ANKRD36: variants seen among roughly 807,000 people sequenced by gnomAD.
ANKRD36 encodes ankyrin repeat domain-containing protein 36A.
A neutral mutation model predicts 278.1 loss-of-function variants in ANKRD36; 179 were observed. That is an observed-to-expected ratio of 0.64 (90% confidence interval 0.57 to 0.73). The LOEUF (loss-of-function observed/expected upper bound fraction) is 0.73. ANKRD36 is among the 30% of genes least tolerant of loss of function. ANKRD36 has a pLI of 0.00. For missense variants in ANKRD36, 1,159 were observed against 1,956.7 expected, an observed-to-expected ratio of 0.59 and a Z score of 7.69; for synonymous variants, 320 against 641.1, an observed-to-expected ratio of 0.50 and a Z score of 7.57.
intron 22 of ANKRD36, among the ~76,000 whole-genome samples, chr2:97,176,472 T>G (rs2054289670): frequency 6.9e-6 from 1 of 144,704 alleles, no homozygotes; most frequent in Non-Finnish European, 1.5e-5. Flanking sequence ...GTTTTCCATT[T>G]GCTTGGTAGA....
At chr2:97,224,457 T>TG (rs1307369837) in intron 66 of ANKRD36, among the ~76,000 whole-genome samples, 2 of 151,120 alleles carry the variant, frequency 1.3e-5, no homozygotes, top group Admixed American at 6.6e-5. Flanking sequence ...TTTTTGTTTT[T>TG]TTTTTTTTGA....
At chr2:97,211,488 T>C in intron 56 of ANKRD36, 58 bp from the exon 57 acceptor site, 3 of 1,584,820 alleles carry the variant, frequency 1.9e-6, no homozygotes, top group Non-Finnish European at 2.6e-6. Flanking sequence ...TGTATGAATG[T>C]ATGGATAACT....
At chr2:97,217,057 A>G (rs2066129668) in intron 62 of ANKRD36, 120 bp from the exon 63 acceptor site, 5 of 1,522,646 alleles carry the variant, frequency 3.3e-6, no homozygotes, top group Non-Finnish European at 4.4e-6. Flanking sequence ...AAAGTAGGAA[A>G]CATCAAATCC....
chr2:97,140,227 A>G (rs988678661), intron 6 of ANKRD36, among the ~76,000 whole-genome samples: 6 of 151,730 alleles, frequency 4.0e-5, no homozygotes, highest in Admixed American at 2.0e-4. Context: ...AATTACTGAC[A>G]TGTTTTCAAG....
At chr2:97,198,882 A>G (rs1243031294) in intron 44 of ANKRD36, among the ~76,000 whole-genome samples, 1 of 151,772 alleles carries the variant, frequency 6.6e-6, no homozygotes, top group African/African-American at 2.4e-5. Flanking sequence ...TGGGAAGAAG[A>G]AATATGGAGA....
At chr2:97,131,499 A>G (rs1046864898) in intron 6 of ANKRD36, among the ~76,000 whole-genome samples, 4 of 152,036 alleles carry the variant, frequency 2.6e-5, no homozygotes, top group African/African-American at 9.7e-5. Context: ...GTGCTGGTCT[A>G]TAACTTCCTT....
At chr2:97,176,840 G>T (rs552856225) in intron 22 of ANKRD36, among the ~76,000 whole-genome samples, 1,897 of 151,712 alleles carry the variant, frequency 0.013, 35 homozygotes, top group African/African-American at 0.042. Context: ...AAATCTCTCA[G>T]CATTTGCTTG....
At chr2:97,187,514 C>T in intron 32 of ANKRD36, 113 bp downstream of exon 32, 1 of 1,284,902 alleles carries the variant, frequency 7.8e-7, no homozygotes, top group Non-Finnish European at 1.1e-6. Context: ...GCTGCACATT[C>T]TGATCCAGCA....
chr2:97,176,177 C>G (rs1220103593), intron 22 of ANKRD36, among the ~76,000 whole-genome samples: 1 of 151,760 alleles, frequency 6.6e-6, no homozygotes, highest in Non-Finnish European at 1.5e-5. Context: ...CCTGGGTATC[C>G]TTGTTGACTT....
At chr2:97,226,502 T>C (rs1352970750) in intron 67 of ANKRD36, among the ~76,000 whole-genome samples, 1 of 150,882 alleles carries the variant, frequency 6.6e-6, no homozygotes, top group African/African-American at 2.5e-5. Context: ...TTTGTTTGGG[T>C]TCATTGTAGA....
At chr2:97,188,466 G>A (rs2057891722) in intron 32 of ANKRD36, among the ~76,000 whole-genome samples, 1 of 151,638 alleles carries the variant, frequency 6.6e-6, no homozygotes, top group Non-Finnish European at 1.5e-5. Context: ...GGCTAAACTA[G>A]TGGATACAAG....
At chr2:97,210,917 C>A (rs533393950) in intron 56 of ANKRD36, among the ~76,000 whole-genome samples, 1 of 151,942 alleles carries the variant, frequency 6.6e-6, no homozygotes, top group East Asian at 2.0e-4. Flanking sequence ...TTTTGGAAGT[C>A]TAAACTAGTG....
intron 44 of ANKRD36, among the ~76,000 whole-genome samples, chr2:97,199,786 C>G (rs1362287365): frequency 2.0e-5 from 3 of 151,858 alleles, no homozygotes; most frequent in Admixed American, 6.6e-5. Flanking sequence ...TACTAGGTAT[C>G]AGCAAACAGA....
At chr2:97,211,411 G>A (rs993492786) in intron 56 of ANKRD36, 135 bp from the exon 57 acceptor site, 1 of 1,381,238 alleles carries the variant, frequency 7.2e-7, no homozygotes, top group African/African-American at 1.5e-5. Flanking sequence ...CTGGTCCCCA[G>A]ACACAAAGTA....
chr2:97,140,855 GCAAA>G (rs1378527404), intron 6 of ANKRD36, among the ~76,000 whole-genome samples: 2 of 151,870 alleles, frequency 1.3e-5, no homozygotes, highest in Non-Finnish European at 2.9e-5. Context: ...GTCAAATTAG[GCAAA>G]CAAAGAAAGC....
intron 54 of ANKRD36, 77 bp downstream of exon 54, chr2:97,208,083 G>C (rs1575969584): frequency 6.1e-6 from 8 of 1,314,374 alleles, no homozygotes; most frequent in East Asian, 5.0e-5. Flanking sequence ...AAATCAGCGG[G>C]GGGCTCGTTG....
intron 64 of ANKRD36, 96 bp from the exon 65 acceptor site, chr2:97,218,954 G>A (rs2066660514): frequency 6.7e-7 from 1 of 1,494,340 alleles, no homozygotes; most frequent in Non-Finnish European, 9.0e-7. Flanking sequence ...ACTAATACAG[G>A]CAAGAGTATT....
Position 97,127,177 on chromosome 2 carries a change from A to G in ANKRD36, c.799+43A>G, listed in dbSNP as rs2038849655. 4 of 786,062 alleles carry G rather than the reference A, an allele frequency of 5.1e-6. 1 individual carries two copies. The Admixed American group carries it at 1.1e-4, about 22-fold the overall frequency. 48.7% of individuals were successfully genotyped at this position (786,062 alleles called of 1,614,324 possible). On this transcript the variant is annotated intron_variant, in intron 6 of 75. Coordinates refer to ENST00000420699, the MANE Select transcript of ANKRD36 (RefSeq NM_001354587.1). ...GAATTACTCTTGATGGTACTACCAT[A>G]GATAAAAAAGAATAAAGATGTTTTG...
In ANKRD36 at chr2:97,208,445, T is replaced by C. The variant is rs376387580; in HGVS notation, c.3265+439T>C. Among the ~76,000 whole-genome samples, 15 of 146,346 alleles carry C rather than the reference T, an allele frequency of 1.0e-4. 1 individual carries two copies. In the South Asian group the frequency reaches 3.0e-3, roughly 29 times the overall value. On this transcript the variant is annotated intron_variant, in intron 54 of 75. Coordinates refer to ENST00000420699, the MANE Select transcript of ANKRD36 (RefSeq NM_001354587.1). ...AAGGAGACCCCTGGTGTAGCAACAG[T>C]TTTCCTAAGGAAGACGGATTGTGAG... is the stretch of plus-strand genomic sequence containing the variant.
Sources: allele counts gnomAD v4.1 joint callset (sites outside exome capture counted in the v4.1 genomes callset), GRCh38; gene constraint gnomAD v4.1.1; transcripts MANE v1.5; gene names NCBI Gene and HGNC (gene_info 2026-07-23, HGNC 2026-07-21).